DPP10: variants seen among roughly 807,000 people sequenced by gnomAD.
The protein encoded by DPP10 is dipeptidyl peptidase like 10.
A neutral mutation model predicts 120.9 loss-of-function variants in DPP10; 33 were observed. The ratio of observed to expected loss-of-function variants is 0.27; its 90% CI spans 0.21 to 0.37. The LOEUF (loss-of-function observed/expected upper bound fraction) is 0.37. DPP10 is among the 10% of genes least tolerant of loss of function. DPP10 has a pLI of 1.00. For missense variants in DPP10, 816 were observed against 942.8 expected (o/e 0.87, Z 1.76); for synonymous variants, 337 against 326.1 (o/e 1.03, Z -0.36).
chr2:115,476,119 C>T (rs1266861437), intron 3 of DPP10, among the ~76,000 whole-genome samples: 2 of 151,994 alleles, frequency 1.3e-5, no homozygotes, highest in African/African-American at 4.8e-5. Context: ...AATAATATGG[C>T]TTGGATTTGT....
intron 1 of DPP10, among the ~76,000 whole-genome samples, chr2:114,674,061 A>C (rs562584799): frequency 3.9e-5 from 6 of 152,204 alleles, no homozygotes; most frequent in Admixed American, 2.6e-4. Context: ...TGTTTCTAAT[A>C]ATTAAAGTTA....
chr2:115,158,144 C>T (rs2052046233), intron 1 of DPP10, among the ~76,000 whole-genome samples: 1 of 152,038 alleles, frequency 6.6e-6, no homozygotes, highest in Non-Finnish European at 1.5e-5. Flanking sequence ...TTCTTTGGTC[C>T]TTTGTCTGCT....
intron 1 of DPP10, among the ~76,000 whole-genome samples, chr2:115,281,314 C>G (rs987582843): frequency 6.6e-6 from 1 of 152,132 alleles, no homozygotes; most frequent in Non-Finnish European, 1.5e-5. Context: ...GACTTATTCT[C>G]CCTGTGCACC....
intron 1 of DPP10, among the ~76,000 whole-genome samples, chr2:115,149,450 A>C (rs1411657238): frequency 1.3e-5 from 2 of 152,176 alleles, no homozygotes; most frequent in Non-Finnish European, 2.9e-5. Flanking sequence ...ATCCTCATCA[A>C]TTAGGATTTA....
chr2:115,763,934 A>T (rs1172162997), intron 12 of DPP10, among the ~76,000 whole-genome samples: 1 of 152,176 alleles, frequency 6.6e-6, no homozygotes, highest in Admixed American at 6.6e-5. Flanking sequence ...CAGGGACTTC[A>T]TAAGTGCCCT....
At chr2:114,544,041 A>G (rs934749207) in intron 1 of DPP10, among the ~76,000 whole-genome samples, 1 of 152,200 alleles carries the variant, frequency 6.6e-6, no homozygotes, top group African/African-American at 2.4e-5. Context: ...GTTAAAAAAA[A>G]AAAAGAAAAA....
At chr2:115,795,983 A>AATG (rs1684484442) in intron 19 of DPP10, among the ~76,000 whole-genome samples, 1 of 152,062 alleles carries the variant, frequency 6.6e-6, no homozygotes, top group Non-Finnish European at 1.5e-5. Context: ...CATATCTGAG[A>AATG]ATGTAGCCCT....
intron 1 of DPP10, among the ~76,000 whole-genome samples, chr2:115,273,823 A>C (rs911718895): frequency 6.6e-6 from 1 of 152,348 alleles, no homozygotes; most frequent in Middle Eastern, 3.4e-3. Flanking sequence ...ATTTGGAACG[A>C]GGCCAATTTA....
chr2:115,803,458 A>G (rs1227289065), intron 19 of DPP10, among the ~76,000 whole-genome samples: 1 of 152,136 alleles, frequency 6.6e-6, no homozygotes, highest in Non-Finnish European at 1.5e-5. Flanking sequence ...TTATGTGTGA[A>G]TTTGATCCTG....
chr2:115,524,939 A>G (rs1040342229), intron 4 of DPP10, among the ~76,000 whole-genome samples: 3 of 152,052 alleles, frequency 2.0e-5, no homozygotes, highest in Admixed American at 2.0e-4. Context: ...TTCTTATCCT[A>G]TCCATTGTGT....
intron 1 of DPP10, among the ~76,000 whole-genome samples, chr2:115,232,069 G>T (rs1380698830): frequency 6.6e-6 from 1 of 152,166 alleles, no homozygotes; most frequent in East Asian, 1.9e-4. Flanking sequence ...TACTTTGGCT[G>T]GCACAAGCCT....
intron 3 of DPP10, among the ~76,000 whole-genome samples, chr2:115,377,795 T>C (rs1046807373): frequency 3.2e-4 from 48 of 152,254 alleles, no homozygotes; most frequent in African/African-American, 1.1e-3. Flanking sequence ...CCCAGCACCA[T>C]TTATTAAATA....
chr2:114,845,872 C>T (rs1449292935), intron 1 of DPP10, among the ~76,000 whole-genome samples: 1 of 152,136 alleles, frequency 6.6e-6, no homozygotes, highest in Non-Finnish European at 1.5e-5. Context: ...AGGCAAACTC[C>T]ACTTAAACCT....
chr2:115,583,074 CAACA>C (rs1473232250), intron 5 of DPP10, among the ~76,000 whole-genome samples: 2 of 152,088 alleles, frequency 1.3e-5, no homozygotes, highest in Non-Finnish European at 2.9e-5. Context: ...AATTTAAATC[CAACA>C]AACAAAGAGA....
At chr2:114,672,795 C>T (rs1698429786) in intron 1 of DPP10, among the ~76,000 whole-genome samples, 2 of 152,126 alleles carry the variant, frequency 1.3e-5, no homozygotes, top group South Asian at 2.1e-4. Context: ...TTTATCAGTG[C>T]TTGTTGTTTA....
intron 1 of DPP10, among the ~76,000 whole-genome samples, chr2:115,200,569 T>C (rs1255130003): frequency 6.6e-6 from 1 of 152,216 alleles, no homozygotes; most frequent in African/African-American, 2.4e-5. Flanking sequence ...ATAAGAATAG[T>C]ATTTCCCTAA....
intron 5 of DPP10, among the ~76,000 whole-genome samples, chr2:115,557,531 C>T (rs2149032086): frequency 6.6e-6 from 1 of 152,316 alleles, no homozygotes; most frequent in African/African-American, 2.4e-5. Flanking sequence ...TGCCTTAACC[C>T]TGTCTTCTTG....
At chr2:115,324,935 G>C (rs979198879) in intron 2 of DPP10, among the ~76,000 whole-genome samples, 4 of 152,088 alleles carry the variant, frequency 2.6e-5, no homozygotes, top group Non-Finnish European at 4.4e-5. Context: ...GAGAGAGAGA[G>C]ACAGGGGATC....
intron 7 of DPP10, among the ~76,000 whole-genome samples, chr2:115,702,218 A>G (rs1476112657): frequency 6.6e-6 from 1 of 151,968 alleles, no homozygotes; most frequent in Non-Finnish European, 1.5e-5. Flanking sequence ...CGTGTTGAAG[A>G]AGTCCATCTC....
Sources: gnomAD v4.1 joint callset for allele counts (sites outside exome capture counted in the v4.1 genomes callset) on GRCh38, gnomAD v4.1.1 for gene constraint, MANE v1.5 for transcripts, NCBI Gene and HGNC (gene_info 2026-07-23, HGNC 2026-07-21) for gene names.